Variants in SYT17 observed in about 807,000 individuals in gnomAD.
The protein encoded by SYT17 is synaptotagmin-17.
SYT17 carries 22 observed loss-of-function variants against 46.7 expected under a neutral mutation model. The ratio of observed to expected loss-of-function variants is 0.47; its 90% CI spans 0.34 to 0.67. SYT17 has a LOEUF of 0.67. SYT17 is among the 30% of genes least tolerant of loss of function. SYT17 has a pLI of 0.01. For missense variants in SYT17, 519 were observed against 612.8 expected, an observed-to-expected ratio of 0.85 and a Z score of 1.62; for synonymous variants, 251 against 248.4, an observed-to-expected ratio of 1.01 and a Z score of -0.10.
chr16:19,267,937 AG>A lies in SYT17; in HGVS notation c.*862del, dbSNP rs1969467849. ...CAGAGATCCCACTTTGGATAAAAGT[AG>A]TGTGTGTGTGTGTGTGTGTGTGTGT... On this transcript the variant is annotated 3_prime_UTR_variant, in exon 8 of 8. Coordinates refer to ENST00000355377, the MANE Select transcript of SYT17 (RefSeq NM_016524.4). 1.3e-5 allele frequency: 2 copies of A among 148,852 alleles called. No individual in the cohort carries two copies. The highest frequency in any genetic ancestry group is 3.0e-5 in the Non-Finnish European group (2 of 67,162). 9.2% of individuals were successfully genotyped at this position (148,852 alleles called of 1,614,324 possible).
Position 19,180,543 on chromosome 16 carries a change from A to C in SYT17, c.331+4A>C. 6.2e-7 allele frequency: 1 copy of C among 1,614,040 alleles called. No homozygotes were observed. Among genetic ancestry groups the C allele is most frequent in the Non-Finnish European group, 8.5e-7 (1 of 1,180,008 alleles). ...AGCCTGACGCGGAGGATTTCGAGTA[A>C]GTATCTCTGCTTTACCTTTCTGGGG... On this transcript the variant is annotated splice_donor_region_variant and intron_variant, in intron 4 of 7. Coordinates refer to ENST00000355377, the MANE Select transcript of SYT17 (RefSeq NM_016524.4).
At chr16:19,211,468 C>T (rs116722272) in intron 5 of SYT17, 11 of 703,650 alleles carry the variant, frequency 1.6e-5, no homozygotes, top group East Asian at 2.7e-5. Context: ...GACCAAGTAC[C>T]GTGAAGGAAA....
intron 4 of SYT17, among the ~76,000 whole-genome samples, chr16:19,181,040 C>T (rs1409941643): frequency 6.6e-6 from 1 of 152,130 alleles, no homozygotes; most frequent in Non-Finnish European, 1.5e-5. Context: ...GCAAATGCCC[C>T]ATTGAAAGGG....
At chr16:19,170,964 A>G (rs1306800893) in intron 1 of SYT17, 1 of 152,136 alleles carries the variant, frequency 6.6e-6, no homozygotes, top group Non-Finnish European at 1.5e-5. Flanking sequence ...AAGTATTTGC[A>G]TAGTCAGTGT....
intron 7 of SYT17, among the ~76,000 whole-genome samples, chr16:19,266,420 C>T (rs1021275056): frequency 1.3e-5 from 2 of 152,236 alleles, no homozygotes; most frequent in South Asian, 2.1e-4. Flanking sequence ...AGGATTATCC[C>T]GCCCATAATG....
chr16:19,234,604 G>C (rs955173366), intron 7 of SYT17, among the ~76,000 whole-genome samples: 1 of 152,194 alleles, frequency 6.6e-6, no homozygotes, highest in African/African-American at 2.4e-5. Context: ...TAGAAGAGCA[G>C]GACCTGGAAT....
chr16:19,240,851 A>T (rs967882270), intron 7 of SYT17, among the ~76,000 whole-genome samples: 4 of 151,896 alleles, frequency 2.6e-5, no homozygotes, highest in Non-Finnish European at 5.9e-5. Flanking sequence ...CAAAGTCTGG[A>T]AGGGGCCGAG....
intron 7 of SYT17, among the ~76,000 whole-genome samples, chr16:19,262,541 A>G (rs1969056045): frequency 6.6e-6 from 1 of 151,788 alleles, no homozygotes; most frequent in African/African-American, 2.4e-5. Context: ...AAAAAGTCCA[A>G]GAGAGACCAG....
chr16:19,249,654 G>T (rs1363944120), intron 7 of SYT17, among the ~76,000 whole-genome samples: 1 of 152,214 alleles, frequency 6.6e-6, no homozygotes. Context: ...TTTTCATGTG[G>T]AAGGTGGAAG....
At chr16:19,225,395 A>G (rs1966465691) in intron 7 of SYT17, among the ~76,000 whole-genome samples, 1 of 152,214 alleles carries the variant, frequency 6.6e-6, no homozygotes, top group South Asian at 2.1e-4. Context: ...GGTAGAATTT[A>G]GTCCATTTTT....
At chr16:19,185,671 G>A (rs1964758622) in intron 5 of SYT17, among the ~76,000 whole-genome samples, 1 of 152,100 alleles carries the variant, frequency 6.6e-6, no homozygotes, top group South Asian at 2.1e-4. Flanking sequence ...AATGGCCTTG[G>A]GTCCAAGCTG....
chr16:19,168,972 C>G lies in SYT17; in HGVS notation c.15+311C>G, dbSNP rs2142485342. 6.6e-6 allele frequency among the ~76,000 whole-genome samples: 1 copy of G among 151,568 alleles called. No individual in the cohort carries two copies. The highest frequency in any genetic ancestry group is 1.5e-5 in the Non-Finnish European group (1 of 67,720). ...CTGCCCCCTCCCTCTCCTTGGCACC[C>G]CACCCCAGGGGAGGGGCCGTGGGGA... On this transcript the variant is annotated intron_variant, in intron 1 of 7. Transcript: ENST00000355377. The surrounding 1 kb of genome is among the most constrained non-coding windows in gnomAD (Gnocchi z 6.9).
intron 7 of SYT17, 108 bp downstream of exon 7, chr16:19,224,946 G>A (rs1168390487): frequency 7.8e-7 from 1 of 1,276,242 alleles, no homozygotes; most frequent in Middle Eastern, 2.7e-4. Context: ...CGTAATGTCT[G>A]GCATTCAACT....
At chr16:19,238,565 A>G (rs929163608) in intron 7 of SYT17, among the ~76,000 whole-genome samples, 3 of 152,218 alleles carry the variant, frequency 2.0e-5, no homozygotes, top group East Asian at 1.9e-4. Context: ...ATGGGTTCCA[A>G]TGGCAGCCTT....
chr16:19,261,979 A>G (rs1312068356), intron 7 of SYT17, among the ~76,000 whole-genome samples: 1 of 152,228 alleles, frequency 6.6e-6, no homozygotes. Context: ...AAGCTTGAAT[A>G]AGGGAATGGC....
chr16:19,207,486 G>GA (rs1387532230), intron 5 of SYT17, among the ~76,000 whole-genome samples: 1 of 152,094 alleles, frequency 6.6e-6, no homozygotes, highest in Non-Finnish European at 1.5e-5. Context: ...AAGGCAAGGG[G>GA]GGGAAAGAGA....
At chr16:19,212,513 C>T (rs189825078) in intron 5 of SYT17, among the ~76,000 whole-genome samples, 33 of 152,058 alleles carry the variant, frequency 2.2e-4, no homozygotes, top group African/African-American at 7.0e-4. Flanking sequence ...CTCAGCTACT[C>T]GGGAGGCTGA....
chr16:19,224,553 T>C, intron 6 of SYT17, 130 bp from the exon 7 acceptor site: 1 of 988,854 alleles, frequency 1.0e-6, no homozygotes, highest in African/African-American at 1.6e-5. Context: ...GAATGAAAAG[T>C]TGAATGGGTG....
At chr16:19,236,266 G>C (rs750958559) in intron 7 of SYT17, among the ~76,000 whole-genome samples, 1 of 152,160 alleles carries the variant, frequency 6.6e-6, no homozygotes, top group Non-Finnish European at 1.5e-5. Context: ...CTGAACAATG[G>C]GGACAGTAAT....
Sources: allele counts gnomAD v4.1 joint callset (sites outside exome capture counted in the v4.1 genomes callset), GRCh38; gene constraint gnomAD v4.1.1; non-coding constraint Gnocchi (gnomAD v3.1); transcripts MANE v1.5; gene names NCBI Gene and HGNC (gene_info 2026-07-23, HGNC 2026-07-21).